Variants in NAV2 observed in about 807,000 individuals in gnomAD.
The protein encoded by NAV2 is neuron navigator 2, also known as helicase, APC down-regulated 1.
NAV2 carries 54 observed loss-of-function variants against 223.2 expected under a neutral mutation model. That is an observed-to-expected ratio of 0.24 (90% CI 0.19 to 0.30). NAV2 has a LOEUF of 0.30. NAV2 is among the 10% of genes least tolerant of loss of function. NAV2 has a pLI of 1.00. For synonymous variants in NAV2, 1,279 were observed against 1,239.3 expected (o/e 1.03, Z -0.67); for missense variants, 2,806 against 3,147.5 (o/e 0.89, Z 2.60).
intron 1 of NAV2, among the ~76,000 whole-genome samples, chr11:19,438,853 G>A (rs1001985238): frequency 6.6e-6 from 1 of 152,018 alleles, no homozygotes; most frequent in African/African-American, 2.4e-5. Context: ...CAACCCAAAG[G>A]CTCTCTAAAC....
chr11:19,374,274 T>G (rs1848566988), intron 1 of NAV2, among the ~76,000 whole-genome samples: 1 of 151,504 alleles, frequency 6.6e-6, no homozygotes, highest in African/African-American at 2.4e-5. Context: ...GGAATCTGAA[T>G]ACTTGACACA....
At chr11:19,387,345 G>A (rs901869857) in intron 1 of NAV2, among the ~76,000 whole-genome samples, 69 of 152,256 alleles carry the variant, frequency 4.5e-4, no homozygotes, top group Non-Finnish European at 8.8e-4. Context: ...AAAGGAGGTA[G>A]TTAGGATGCA....
At chr11:19,837,720 G>A (rs1393150397) in intron 2 of NAV2, among the ~76,000 whole-genome samples, 4 of 152,148 alleles carry the variant, frequency 2.6e-5, no homozygotes, top group African/African-American at 9.7e-5. Flanking sequence ...TGAATGCTGT[G>A]GAAGACAAAG....
At chr11:19,833,467 T>G (rs1335977490) in intron 2 of NAV2, among the ~76,000 whole-genome samples, 1 of 152,260 alleles carries the variant, frequency 6.6e-6, no homozygotes, top group Non-Finnish European at 1.5e-5. Flanking sequence ...GCTGAAACTG[T>G]TGGACTACTG....
intron 1 of NAV2, among the ~76,000 whole-genome samples, chr11:19,552,907 G>A (rs1286694467): frequency 6.6e-6 from 1 of 151,706 alleles, no homozygotes; most frequent in Non-Finnish European, 1.5e-5. Context: ...GGGGGAAGGG[G>A]GGGAGCTGGA....
intron 1 of NAV2, among the ~76,000 whole-genome samples, chr11:19,466,195 T>C (rs1852343569): frequency 6.6e-6 from 1 of 152,206 alleles, no homozygotes; most frequent in Non-Finnish European, 1.5e-5. Flanking sequence ...CTTGTCTCTG[T>C]GTTGGGTGAC....
At chr11:19,470,265 G>T (rs905472908) in intron 1 of NAV2, among the ~76,000 whole-genome samples, 1 of 152,202 alleles carries the variant, frequency 6.6e-6, no homozygotes, top group Non-Finnish European at 1.5e-5. Context: ...CTAGATCAGG[G>T]TTCCAGTAGG....
intron 1 of NAV2, among the ~76,000 whole-genome samples, chr11:19,537,840 G>T (rs1243626972): frequency 2.0e-5 from 3 of 152,164 alleles, no homozygotes; most frequent in Admixed American, 6.5e-5. Flanking sequence ...GTCTCAGTTT[G>T]TTTATCAGTA....
At chr11:20,056,312 A>T (rs112454496) in intron 19 of NAV2, among the ~76,000 whole-genome samples, 3 of 152,236 alleles carry the variant, frequency 2.0e-5, no homozygotes, top group Admixed American at 1.3e-4. Flanking sequence ...ATCTTGGCAG[A>T]GAGAACTACT....
At chr11:19,634,491 T>C (rs989662736) in intron 1 of NAV2, among the ~76,000 whole-genome samples, 5 of 152,086 alleles carry the variant, frequency 3.3e-5, no homozygotes, top group Admixed American at 1.3e-4. Context: ...AACCTAAAAG[T>C]TTTTTTTAAT....
At chr11:19,574,705 A>AAGAC (rs2045521120) in intron 1 of NAV2, among the ~76,000 whole-genome samples, 1 of 152,242 alleles carries the variant, frequency 6.6e-6, no homozygotes, top group African/African-American at 2.4e-5. Context: ...ACCGTGGAGC[A>AAGAC]TAGGTCCAGT....
chr11:19,399,510 A>T (rs1163091583), intron 1 of NAV2, among the ~76,000 whole-genome samples: 1 of 152,174 alleles, frequency 6.6e-6, no homozygotes, highest in Non-Finnish European at 1.5e-5. Flanking sequence ...GGGGACACAG[A>T]GAAACTGGAG....
chr11:19,500,107 GAT>G (rs2042918621), intron 1 of NAV2, among the ~76,000 whole-genome samples: 2 of 152,124 alleles, frequency 1.3e-5, no homozygotes, highest in Non-Finnish European at 1.5e-5. Context: ...CTGGCCAAGT[GAT>G]ATGTCTTAGC....
chr11:19,722,055 G>A (rs2050788802), intron 1 of NAV2, among the ~76,000 whole-genome samples: 1 of 152,174 alleles, frequency 6.6e-6, no homozygotes, highest in Admixed American at 6.5e-5. Context: ...ATATTTATGA[G>A]AACATAAATG....
At chr11:20,060,953 A>G (rs771964543) in intron 19 of NAV2, among the ~76,000 whole-genome samples, 1 of 152,218 alleles carries the variant, frequency 6.6e-6, no homozygotes, top group Non-Finnish European at 1.5e-5. Flanking sequence ...GTTGGCATAT[A>G]GCTTCTGCTG....
chr11:19,915,166 C>A (rs1273213733), intron 6 of NAV2, among the ~76,000 whole-genome samples: 1 of 152,164 alleles, frequency 6.6e-6, no homozygotes, highest in Non-Finnish European at 1.5e-5. Flanking sequence ...TTTGTGGAGT[C>A]CTGACTTTTT....
chr11:19,699,637 C>T (rs1188414846), intron 1 of NAV2, among the ~76,000 whole-genome samples: 1 of 152,172 alleles, frequency 6.6e-6, no homozygotes, highest in African/African-American at 2.4e-5. Flanking sequence ...ATATGTGATA[C>T]TCCATAGTAG....
At chr11:19,412,257 C>CTGAGGTT (rs1007054912) in intron 1 of NAV2, among the ~76,000 whole-genome samples, 15 of 152,196 alleles carry the variant, frequency 9.9e-5, no homozygotes, top group African/African-American at 3.4e-4. Context: ...TCTGCCATTA[C>CTGAGGTT]TGAGGTTTGA....
chr11:19,589,748 T>C (rs2046003447), intron 1 of NAV2, among the ~76,000 whole-genome samples: 2 of 152,118 alleles, frequency 1.3e-5, no homozygotes, highest in African/African-American at 4.8e-5. Flanking sequence ...CACAGCTCCA[T>C]CTCCTTCAGC....
Sources: allele counts gnomAD v4.1 joint callset (sites outside exome capture counted in the v4.1 genomes callset), GRCh38; gene constraint gnomAD v4.1.1; transcripts MANE v1.5; gene names NCBI Gene and HGNC (gene_info 2026-07-23, HGNC 2026-07-21).